Variants in NAA15 observed in about 807,000 individuals in gnomAD.
NAA15 encodes N-alpha-acetyltransferase 15, NatA auxiliary subunit, also known as N-terminal acetyltransferase.
In NAA15, 34 loss-of-function variants were observed where a neutral mutation model predicts 114.0. That is an observed-to-expected ratio of 0.30 (90% CI 0.23 to 0.40). The LOEUF is 0.40. Ranked by LOEUF, NAA15 falls within the 10% of genes least tolerant of loss-of-function variation. NAA15 has a pLI of 1.00. For synonymous variants in NAA15, 340 were observed against 338.0 expected, an observed-to-expected ratio of 1.01 and a Z score of -0.06; for missense variants, 658 against 1,004.5, an observed-to-expected ratio of 0.66 and a Z score of 4.66.
chr4:139,301,908 G>T, intron 1 of NAA15, 77 bp downstream of exon 1: 3 of 1,485,386 alleles, frequency 2.0e-6, no homozygotes, highest in South Asian at 2.5e-5. Flanking sequence ...CCTCGGCCCG[G>T]CGGGCACTGA....
chr4:139,383,244 A>G (rs1226958672), intron 17 of NAA15, among the ~76,000 whole-genome samples: 1 of 152,152 alleles, frequency 6.6e-6, no homozygotes, highest in Admixed American at 6.5e-5. Flanking sequence ...CTTACTGTAA[A>G]TCTTTTAGAT....
intron 15 of NAA15, among the ~76,000 whole-genome samples, chr4:139,374,600 T>A (rs1458249046): frequency 2.6e-5 from 4 of 152,244 alleles, no homozygotes; most frequent in South Asian, 2.1e-4. Context: ...TATTTTGACT[T>A]TTTTTTCCTG....
chr4:139,357,747 A>G (rs563709293), intron 11 of NAA15, among the ~76,000 whole-genome samples, 192 bp downstream of exon 11: 21 of 152,340 alleles, frequency 1.4e-4, no homozygotes, highest in African/African-American at 3.6e-4. Context: ...TGATTTATCT[A>G]TATCCGTATA....
At chr4:139,345,849 A>T (rs562734872) in intron 6 of NAA15, among the ~76,000 whole-genome samples, 23 of 152,106 alleles carry the variant, frequency 1.5e-4, no homozygotes, top group Non-Finnish European at 3.2e-4. Flanking sequence ...TGAACCTGGG[A>T]GGCGGAGCTT....
chr4:139,367,046 TTTTTTA>T (rs1214128910), intron 14 of NAA15, among the ~76,000 whole-genome samples: 1 of 152,234 alleles, frequency 6.6e-6, no homozygotes, highest in East Asian at 1.9e-4. Flanking sequence ...TTGAGTATAG[TTTTTTA>T]TTTTTATTTT....
intron 17 of NAA15, among the ~76,000 whole-genome samples, chr4:139,379,818 C>T (rs1349522489): frequency 6.6e-6 from 1 of 152,006 alleles, no homozygotes; most frequent in African/African-American, 2.4e-5. Context: ...CCGAGGTGGG[C>T]GGATCACTTG....
intron 1 of NAA15, among the ~76,000 whole-genome samples, chr4:139,316,860 G>C (rs898124649): frequency 1.3e-5 from 2 of 148,288 alleles, no homozygotes; most frequent in Admixed American, 6.9e-5. Context: ...CCCCGCCATA[G>C]TTCTGTCTTG....
Position 139,389,194 on chromosome 4 carries a change from ATTTT to A in NAA15, c.*1129_*1132del, listed in dbSNP as rs71600201. On this transcript the variant is annotated 3_prime_UTR_variant, in exon 20 of 20. Transcript: ENST00000296543. The stretch of plus-strand genomic sequence containing the variant: ...CTTTGTAATTTTTAAAGGGCCCAAG[ATTTT>A]TTTTTTTTTTTTTTTTTTCAAATAA... The A allele has an allele frequency of 6.2e-5, 7 of 113,400 alleles. No individual in the cohort carries two copies. The highest frequency in any genetic ancestry group is 9.7e-5 in the Admixed American group (1 of 10,284). The allele number at this position is 113,400 out of a possible 1,614,324, so 7.0% of individuals were successfully genotyped here. A position where few individuals can be genotyped will look rare whatever the true frequency, so the allele number is the denominator to read the frequency against.
At chr4:139,360,198 T>A (rs1377654000) in intron 12 of NAA15, among the ~76,000 whole-genome samples, 2 of 152,180 alleles carry the variant, frequency 1.3e-5, no homozygotes, top group Non-Finnish European at 2.9e-5. Context: ...GTTCTTTTTC[T>A]TGTATTAATC....
intron 1 of NAA15, among the ~76,000 whole-genome samples, chr4:139,305,740 T>C (rs1303348931): frequency 6.6e-6 from 1 of 152,092 alleles, no homozygotes; most frequent in Non-Finnish European, 1.5e-5. Context: ...CTCCATGTTG[T>C]TCAGGCTCGT....
chr4:139,306,344 T>A (rs562460733), intron 1 of NAA15, among the ~76,000 whole-genome samples: 82 of 152,236 alleles, frequency 5.4e-4, no homozygotes, highest in African/African-American at 1.6e-3. Flanking sequence ...GGTTCATGCC[T>A]CAGCCTCCCA....
intron 10 of NAA15, among the ~76,000 whole-genome samples, chr4:139,357,098 C>A (rs530076609): frequency 6.6e-6 from 1 of 151,992 alleles, no homozygotes; most frequent in Admixed American, 6.6e-5. Context: ...TTGTCTCCCC[C>A]CTACCTGTTT....
In NAA15 at chr4:139,376,358, T is replaced by C. The variant is rs1378434892; in HGVS notation, c.1948-7T>C. On this transcript the variant is annotated splice_polypyrimidine_tract_variant and splice_region_variant and intron_variant, in intron 15 of 19. Transcript: ENST00000296543. The stretch of plus-strand genomic sequence containing the variant: ...TTCATTTGTATAATATCTTTTATTT[T>C]TGTTAGGTTGAAACTCCATTGGAAG... 7 of 1,529,422 alleles carry C rather than the reference T, an allele frequency of 4.6e-6. No homozygotes were observed. The highest frequency in any genetic ancestry group is 5.4e-6 in the Non-Finnish European group (6 of 1,106,504). 94.7% of individuals were successfully genotyped at this position (1,529,422 alleles called of 1,614,324 possible). A position where few individuals can be genotyped will look rare whatever the true frequency, so the allele number is the denominator to read the frequency against.
chr4:139,302,899 C>G (rs1745856155), intron 1 of NAA15, among the ~76,000 whole-genome samples: 1 of 152,158 alleles, frequency 6.6e-6, no homozygotes, highest in Admixed American at 6.5e-5. Context: ...CCCCCTTTCA[C>G]GCAAACGTTT....
rs1187903195 is a variant in NAA15 at position 139,378,838 on chromosome 4, T to G, written c.2139T>G (p.Ile713Met). The G allele has an allele frequency of 1.9e-6, 3 of 1,556,796 alleles. No homozygotes were observed. The highest frequency in any genetic ancestry group is 2.4e-5 in the East Asian group (1 of 41,362). The change falls in exon 17 of 20, where the codon ATT (isoleucine) becomes ATG (methionine). Residue 713 changes from isoleucine to methionine, a missense_variant. Transcript: ENST00000296543. ...ATCCCTGGCTTCATGAGTGTATGATTCGTCTCTTTAATACTGGTATGTTTT... is the reference window on the plus strand; with the variant it reads ...ATCCCTGGCTTCATGAGTGTATGATGCGTCTCTTTAATACTGGTATGTTTT... ...SSHPWLHECM[I>M]RLFNTAVCES...
intron 4 of NAA15, 32 bp from the exon 5 acceptor site, chr4:139,342,794 A>G (rs1339594312): frequency 6.3e-7 from 1 of 1,597,674 alleles, no homozygotes; most frequent in South Asian, 1.1e-5. Context: ...CTAAAAGCCT[A>G]AGAAAAAGTG....
rs1056712018 is a variant in NAA15 at position 139,311,569 on chromosome 4, A to G, written c.54+9738A>G. Among the ~76,000 whole-genome samples the G allele has an allele frequency of 5.9e-5, 9 of 151,996 alleles. 1 individual carries two copies. Among genetic ancestry groups the G allele is most frequent in the Middle Eastern group, 3.2e-3 (1 of 316 alleles). On this transcript the variant is annotated intron_variant, in intron 1 of 19. Coordinates refer to ENST00000296543, the MANE Select transcript of NAA15 (RefSeq NM_057175.5). The stretch of plus-strand genomic sequence containing the variant: ...TTATATAGCCTTTCATCACAAAAGC[A>G]TAATAAGAGGAAAATTTTGTTATTG...
At chr4:139,309,791 C>T (rs555376762) in intron 1 of NAA15, among the ~76,000 whole-genome samples, 3 of 152,116 alleles carry the variant, frequency 2.0e-5, no homozygotes, top group Non-Finnish European at 4.4e-5. Flanking sequence ...GTTCAGTTTT[C>T]AATAGTAGTA....
At chr4:139,379,116 A>G (rs1309030735) in intron 17 of NAA15, 1 of 274,816 alleles carries the variant, frequency 3.6e-6, no homozygotes, top group Non-Finnish European at 6.7e-6. Context: ...GTTACATGTA[A>G]GTTGAAATTT....
Sources: allele counts gnomAD v4.1 joint callset (sites outside exome capture counted in the v4.1 genomes callset), GRCh38; gene constraint gnomAD v4.1.1; transcripts MANE v1.5; gene names NCBI Gene and HGNC (gene_info 2026-07-23, HGNC 2026-07-21).